The following MIER1 variants were observed in gnomAD, a reference collection of about 807,000 sequenced individuals.
MIER1 encodes mesoderm induction early response protein 1.
MIER1 carries 40 observed loss-of-function variants against 75.7 expected under a neutral mutation model. The observed-to-expected ratio is 0.53, with a 90% CI of 0.41 to 0.69. MIER1 has a LOEUF of 0.69. MIER1 is among the 30% of genes least tolerant of loss of function. The probability of loss-of-function intolerance (pLI) is 0.00; values close to 1 mark genes in which losing one functional copy is unlikely to be tolerated. For synonymous variants in MIER1, 213 were observed against 223.4 expected, an observed-to-expected ratio of 0.95 and a Z score of 0.42; for missense variants, 574 against 680.2, an observed-to-expected ratio of 0.84 and a Z score of 1.74.
Position 66,925,072 on chromosome 1 carries a change from G to A in MIER1, c.44G>A (p.Gly15Asp). Residue 15 changes from glycine (G) to aspartate (D), a missense_variant, in exon 1 of 14, where the codon GGC (glycine) becomes GAC (aspartate). Physicochemically the swap from Gly to Asp is moderately conservative, Grantham distance 94. Coordinates refer to ENST00000401041, the MANE Select transcript of MIER1 (RefSeq NM_001077700.3). ...SSGGGGSSEG[G>D]GGSSGSGYGV... ...GGCGGTGGCGGCAGCAGCGAAGGTGGCGGCGGCAGCAGCGGCAGCGGCTGT... is the reference window on the plus strand; with the variant it reads ...GGCGGTGGCGGCAGCAGCGAAGGTGACGGCGGCAGCAGCGGCAGCGGCTGT... The A allele has an allele frequency of 6.5e-7, 1 of 1,548,036 alleles. No homozygotes were observed.
At chr1:66,948,212 T>G in intron 4 of MIER1, 3 of 937,556 alleles carry the variant, frequency 3.2e-6, no homozygotes, top group Non-Finnish European at 2.5e-6. Context: ...TATATCAGTC[T>G]GGTATGTTCT....
Position 66,971,695 on chromosome 1 carries a change from A to C in MIER1, c.965A>C (p.Glu322Ala), listed in dbSNP as rs767154983. The change falls in exon 10 of 14, where the codon GAA (glutamate) becomes GCA (alanine). Residue 322 changes from glutamate to alanine, a missense_variant. Transcript: ENST00000401041. ...GTTAAATGCAATTTTGATACAGAAG[A>C]AGCATTGAGAAGATTAAGATTTAAT... is the stretch of plus-strand genomic sequence containing the variant. ...ELVKCNFDTE[E>A]ALRRLRFNVK... 10 of 1,513,918 alleles carry C rather than the reference A, an allele frequency of 6.6e-6. No homozygotes were observed. Among genetic ancestry groups the C allele is most frequent in the Admixed American group, 1.8e-5 (1 of 56,180 alleles). The allele number at this position is 1,513,918 out of a possible 1,614,324, so 93.8% of individuals were successfully genotyped here. A position where few individuals can be genotyped will look rare whatever the true frequency, so the allele number is the denominator to read the frequency against.
rs1433280296 is a variant in MIER1, at chr1:66,926,143, T to A, written c.69T>A (p.Tyr23Ter). 2.5e-6 allele frequency: 4 copies of A among 1,613,228 alleles called. No individual in the cohort carries two copies. The highest frequency in any genetic ancestry group is 2.5e-6 in the Non-Finnish European group (3 of 1,179,222). ...GAGGCTCTCTTTCCTTTGATCCAGATGGTGTGGTCGCTCGATTCTCCCAGT... is the reference window on the plus strand; with the variant it reads ...GAGGCTCTCTTTCCTTTGATCCAGAAGGTGTGGTCGCTCGATTCTCCCAGT... ...EGGGGSSGSG[Y>*]GVVARFSQCL... Residue 23 changes from tyrosine (Y) to a stop codon, truncating the protein, a stop_gained and splice_region_variant, in exon 2 of 14, where the codon TAT becomes TAA. Transcript: ENST00000401041. LOFTEE classifies it high-confidence loss of function.
rs1570503605 is a variant in MIER1 at position 66,976,718 on chromosome 1, G to A, written c.1225G>A (p.Val409Ile). 2.5e-6 allele frequency: 4 copies of A among 1,578,810 alleles called. No individual in the cohort carries two copies. In the Admixed American group the frequency reaches 7.7e-5, roughly 30 times the overall value. ...GKKKYNLHPG[V>I]TDYMDRLLDE... ...GAAGAAATATAATCTTCATCCTGGTGTAACGTGAGTTAATTTTTTCCTTAA... is the reference window on the plus strand; with the variant it reads ...GAAGAAATATAATCTTCATCCTGGTATAACGTGAGTTAATTTTTTCCTTAA... The change falls in exon 12 of 14, where the codon GTA becomes ATA. Residue 409 changes from valine (V) to isoleucine (I), a missense_variant. Val to Ile is a conservative substitution (Grantham distance 29, BLOSUM62 3). Coordinates refer to ENST00000401041, the MANE Select transcript of MIER1 (RefSeq NM_001077700.3).
chr1:66,975,417 T>C (rs574960412), intron 11 of MIER1, among the ~76,000 whole-genome samples: 88 of 152,078 alleles, frequency 5.8e-4, no homozygotes, highest in African/African-American at 2.0e-3. Context: ...GTCCCAGTTA[T>C]TGAGGGTGCT....
intron 3 of MIER1, among the ~76,000 whole-genome samples, chr1:66,945,733 G>T (rs1657473091): frequency 6.6e-6 from 1 of 152,068 alleles, no homozygotes; most frequent in Non-Finnish European, 1.5e-5. Flanking sequence ...GTGTGTTGTG[G>T]TCATAGTCCC....
intron 12 of MIER1, among the ~76,000 whole-genome samples, chr1:66,981,452 A>C (rs1665861418): frequency 6.6e-6 from 1 of 152,184 alleles, no homozygotes; most frequent in African/African-American, 2.4e-5. Flanking sequence ...CTTTTACTAG[A>C]CATCACCCCT....
intron 3 of MIER1, among the ~76,000 whole-genome samples, chr1:66,941,630 C>T (rs1467811805): frequency 6.6e-6 from 1 of 152,136 alleles, no homozygotes; most frequent in Non-Finnish European, 1.5e-5. Flanking sequence ...GTTTCCATTA[C>T]ATTTGAATCA....
rs113085461 is a variant in MIER1 at position 66,954,747 on chromosome 1, C to A, written c.340-3312C>A. Among the ~76,000 whole-genome samples, 487 of 151,564 alleles carry A rather than the reference C, an allele frequency of 3.2e-3. 6 individuals carry two copies. Among genetic ancestry groups the A allele is most frequent in the African/African-American group, 0.011 (461 of 41,282 alleles). ...TTGAGACAGAGTCTCAACTCTGTCA[C>A]CCAGGCTGGAGTGCAGTGGCATGAT... On this transcript the variant is annotated intron_variant, in intron 4 of 13. Coordinates refer to ENST00000401041, the MANE Select transcript of MIER1 (RefSeq NM_001077700.3).
intron 11 of MIER1, among the ~76,000 whole-genome samples, chr1:66,976,236 T>G (rs926205565): frequency 6.0e-5 from 9 of 150,512 alleles, no homozygotes; most frequent in Non-Finnish European, 4.4e-5. Context: ...ACTCCTGACC[T>G]CGTGATCCAC....
At position 66,986,376 on chromosome 1, in the gene MIER1, TTAA is replaced by T; in HGVS notation, c.*1478_*1480del. On this transcript the variant is annotated 3_prime_UTR_variant, in exon 14 of 14. Transcript: ENST00000401041. ...CCTATATCCAAACTTTTATAAAATA[TTAA>T]TTATTCTTGTTTTTCTCACACAGGC... 6.2e-7 allele frequency: 1 copy of T among 1,604,018 alleles called. No homozygotes were observed. Among genetic ancestry groups the T allele is most frequent in the Middle Eastern group, 1.9e-4 (1 of 5,370 alleles).
chr1:66,969,129 G>C (rs1253438091), intron 8 of MIER1, among the ~76,000 whole-genome samples: 1 of 152,134 alleles, frequency 6.6e-6, no homozygotes, highest in Non-Finnish European at 1.5e-5. Context: ...TGTTTATTAA[G>C]GAAGATTTTC....
chr1:66,967,657 T>C (rs1338096079), intron 8 of MIER1, among the ~76,000 whole-genome samples: 1 of 152,032 alleles, frequency 6.6e-6, no homozygotes, highest in East Asian at 1.9e-4. Context: ...TTTTTTTTTT[T>C]TGGTGTCCTC....
At chr1:66,977,533 T>C (rs945784596) in intron 12 of MIER1, among the ~76,000 whole-genome samples, 1 of 152,210 alleles carries the variant, frequency 6.6e-6, no homozygotes, top group African/African-American at 2.4e-5. Context: ...TGTAGTCCCA[T>C]TGACACAGAT....
At chr1:66,948,830 C>G (rs539792855) in intron 4 of MIER1, among the ~76,000 whole-genome samples, 8 of 152,142 alleles carry the variant, frequency 5.3e-5, no homozygotes, top group Non-Finnish European at 1.2e-4. Context: ...GTCCAGGAAT[C>G]CAAGGCTGCA....
At chr1:66,966,025 G>A (rs373064103) in intron 8 of MIER1, among the ~76,000 whole-genome samples, 4 of 151,916 alleles carry the variant, frequency 2.6e-5, no homozygotes, top group African/African-American at 7.2e-5. Flanking sequence ...GCACTCTATT[G>A]TGTATAAGTA....
intron 2 of MIER1, among the ~76,000 whole-genome samples, chr1:66,939,671 T>C (rs929099080): frequency 6.6e-6 from 1 of 152,280 alleles, no homozygotes. Flanking sequence ...TTCATAGTTC[T>C]GTGTTGATAG....
chr1:66,938,697 G>C (rs531447055), intron 2 of MIER1, among the ~76,000 whole-genome samples: 1 of 152,244 alleles, frequency 6.6e-6, no homozygotes, highest in Non-Finnish European at 1.5e-5. Context: ...AAGTAGCACT[G>C]TATTGACTGT....
rs1212956786 is a variant in MIER1, at chr1:66,972,977, A to G, written c.1087A>G (p.Ile363Val). 1 of 1,593,858 alleles carries G rather than the reference A, an allele frequency of 6.3e-7. No individual in the cohort carries two copies. The highest frequency in any genetic ancestry group is 1.1e-5 in the South Asian group (1 of 90,528). The change falls in exon 11 of 14, where the codon ATT becomes GTT. Residue 363 changes from isoleucine (I) to valine (V), a missense_variant. Transcript: ENST00000401041. ...GGCCTATGGAAAGGATTTTCATTTGATTCAGGCTAATAAAGTAAGTAATGA... is the reference window on the plus strand; with the variant it reads ...GGCCTATGGAAAGGATTTTCATTTGGTTCAGGCTAATAAAGTAAGTAATGA... ...LKAYGKDFHL[I>V]QANKVRTRSV...
Sources: gnomAD v4.1 joint callset for allele counts (sites outside exome capture counted in the v4.1 genomes callset) on GRCh38, gnomAD v4.1.1 for gene constraint, MANE v1.5 for transcripts, NCBI Gene and HGNC (gene_info 2026-07-23, HGNC 2026-07-21) for gene names.